Variants in NRG3 observed in about 807,000 individuals in gnomAD.
NRG3 encodes the protein pro-neuregulin-3, membrane-bound isoform.
Under a neutral mutation model 66.9 loss-of-function variants are expected in NRG3, and 31 were observed. The ratio of observed to expected loss-of-function variants is 0.46; its 90% CI spans 0.35 to 0.63. The LOEUF (loss-of-function observed/expected upper bound fraction) is 0.63, where lower values mean the gene tolerates loss of function less well. Ranked by LOEUF, NRG3 falls within the 20% of genes least tolerant of loss-of-function variation. The pLI is 0.00. For synonymous variants in NRG3, 393 were observed against 359.4 expected (o/e 1.09, Z -1.06); for missense variants, 910 against 878.9 (o/e 1.04, Z -0.45).
At chr10:82,729,441 A>G (rs2057780391) in intron 2 of NRG3, among the ~76,000 whole-genome samples, 1 of 151,580 alleles carries the variant, frequency 6.6e-6, no homozygotes, top group Admixed American at 6.6e-5. Context: ...TACTAAAAAT[A>G]GATTTTTTTT....
chr10:82,874,254 C>A (rs937417094), intron 4 of NRG3, among the ~76,000 whole-genome samples: 4 of 151,902 alleles, frequency 2.6e-5, no homozygotes, highest in Non-Finnish European at 4.4e-5. Context: ...AGGAAGTGGG[C>A]TTTTTTCTTC....
intron 2 of NRG3, among the ~76,000 whole-genome samples, chr10:82,439,772 T>C (rs1165672457): frequency 6.6e-6 from 1 of 152,054 alleles, no homozygotes; most frequent in Non-Finnish European, 1.5e-5. Context: ...TGGTGTTTTA[T>C]TCTTGTAATA....
At chr10:82,010,389 A>G (rs571108376) in intron 1 of NRG3, among the ~76,000 whole-genome samples, 1 of 152,202 alleles carries the variant, frequency 6.6e-6, no homozygotes, top group African/African-American at 2.4e-5. Flanking sequence ...TCTGCAAAAT[A>G]TAATGTGGTT....
chr10:82,802,683 C>T (rs957497180), intron 3 of NRG3, among the ~76,000 whole-genome samples: 14 of 151,906 alleles, frequency 9.2e-5, no homozygotes, highest in Non-Finnish European at 1.8e-4. Flanking sequence ...GACAAGATCT[C>T]GCTCTGTCAC....
chr10:81,939,624 C>T (rs1848226314), intron 1 of NRG3, among the ~76,000 whole-genome samples: 1 of 151,010 alleles, frequency 6.6e-6, no homozygotes, highest in South Asian at 2.1e-4. Context: ...CCTCCTCTTT[C>T]ATTTCTGGTT....
intron 1 of NRG3, among the ~76,000 whole-genome samples, chr10:82,287,354 G>A (rs1195566646): frequency 6.6e-6 from 1 of 152,062 alleles, no homozygotes; most frequent in Admixed American, 6.6e-5. Flanking sequence ...GCTCCCTGAG[G>A]CCTCCCCAGA....
intron 3 of NRG3, among the ~76,000 whole-genome samples, chr10:82,816,785 C>CCACAGGCTCAGCAGAGCA (rs2061725650): frequency 6.6e-6 from 1 of 152,180 alleles, no homozygotes; most frequent in South Asian, 2.1e-4. Flanking sequence ...TTCCAGGCTC[C>CCACAGGCTCAGCAGAGCA]CACAGGCTCA....
chr10:82,958,901 T>G, intron 5 of NRG3, 48 bp from the exon 6 acceptor site: 5 of 1,480,600 alleles, frequency 3.4e-6, no homozygotes, highest in Non-Finnish European at 4.5e-6. Context: ...AAAGTAGGAG[T>G]TGAATAAAGT....
intron 3 of NRG3, among the ~76,000 whole-genome samples, chr10:82,776,700 C>T (rs2059923542): frequency 6.6e-6 from 1 of 151,702 alleles, no homozygotes; most frequent in South Asian, 2.1e-4. Flanking sequence ...TTGATCTAGT[C>T]TGCTGTTGAC....
intron 3 of NRG3, among the ~76,000 whole-genome samples, chr10:82,745,793 G>C (rs2058616749): frequency 6.6e-6 from 1 of 152,038 alleles, no homozygotes; most frequent in African/African-American, 2.4e-5. Context: ...AATTTCCTAT[G>C]GGTACCTGAT....
chr10:82,671,945 C>A (rs2053311735), intron 2 of NRG3, among the ~76,000 whole-genome samples: 1 of 152,210 alleles, frequency 6.6e-6, no homozygotes, highest in Non-Finnish European at 1.5e-5. Flanking sequence ...TCTTCACTGT[C>A]TATATCTCCC....
intron 2 of NRG3, among the ~76,000 whole-genome samples, chr10:82,417,062 A>G (rs2088634471): frequency 6.6e-6 from 1 of 152,158 alleles, no homozygotes; most frequent in African/African-American, 2.4e-5. Flanking sequence ...AGATCTATCC[A>G]TTATTCCCTG....
intron 1 of NRG3, among the ~76,000 whole-genome samples, chr10:82,000,906 T>A (rs932514855): frequency 1.4e-4 from 21 of 152,220 alleles, no homozygotes; most frequent in African/African-American, 5.1e-4. Context: ...GGTTTGTTTT[T>A]TCTCTTTTAA....
chr10:82,182,405 A>T (rs1386351310), intron 1 of NRG3, among the ~76,000 whole-genome samples: 1 of 151,406 alleles, frequency 6.6e-6, no homozygotes, highest in African/African-American at 2.4e-5. Context: ...TTTATCTTCT[A>T]TAAATATTAT....
intron 2 of NRG3, among the ~76,000 whole-genome samples, chr10:82,514,462 T>C (rs1239477045): frequency 6.6e-6 from 1 of 152,212 alleles, no homozygotes; most frequent in African/African-American, 2.4e-5. Context: ...TATTGCTTGT[T>C]TTCATCAGGT....
chr10:82,457,515 A>C (rs565563766), intron 2 of NRG3, among the ~76,000 whole-genome samples: 1 of 151,978 alleles, frequency 6.6e-6, no homozygotes, highest in Non-Finnish European at 1.5e-5. Context: ...CAGGCCATGG[A>C]CCAGCAGCAG....
intron 1 of NRG3, among the ~76,000 whole-genome samples, chr10:81,914,530 C>T (rs922340386): frequency 9.9e-5 from 15 of 151,838 alleles, no homozygotes; most frequent in African/African-American, 3.4e-4. Context: ...ACTGGGAGTT[C>T]GAGACCAGCC....
intron 2 of NRG3, among the ~76,000 whole-genome samples, chr10:82,630,843 T>C (rs2049777478): frequency 6.6e-6 from 1 of 152,232 alleles, no homozygotes; most frequent in Non-Finnish European, 1.5e-5. Context: ...TATCTTCTGA[T>C]TGTTGGACAA....
chr10:82,977,297 G>C (rs1225487743), intron 7 of NRG3, among the ~76,000 whole-genome samples: 1 of 152,070 alleles, frequency 6.6e-6, no homozygotes, highest in East Asian at 1.9e-4. Flanking sequence ...GGCATTTGGG[G>C]ACACACCATA....
Sources: allele counts gnomAD v4.1 joint callset (sites outside exome capture counted in the v4.1 genomes callset), GRCh38; gene constraint gnomAD v4.1.1; transcripts MANE v1.5; gene names NCBI Gene and HGNC (gene_info 2026-07-23, HGNC 2026-07-21).